Variants in CYSLTR1 observed in about 807,000 individuals in gnomAD.
CYSLTR1 encodes G-protein coupled receptor HG55.
In CYSLTR1, 1 loss-of-function variant was observed where a neutral mutation model predicts 2.1. The observed-to-expected ratio is 0.48, with a 90% confidence interval of 0.17 to 2.28. The LOEUF is 2.28. Among genes scored for constraint, CYSLTR1 ranks in the 30% most tolerant of loss-of-function variants. The pLI is 0.26. For missense variants in CYSLTR1, 299 were observed against 250.1 expected, an observed-to-expected ratio of 1.20 and a Z score of -1.32; for synonymous variants, 110 against 89.6, an observed-to-expected ratio of 1.23 and a Z score of -1.28.
chrX:78,274,308 C>G (rs955247119), intron 2 of CYSLTR1, among the ~76,000 whole-genome samples: 5 of 111,283 alleles, frequency 4.5e-5, no homozygotes, highest in African/African-American at 6.5e-5. Context: ...TACCTGACTT[C>G]AAACTATACT....
At chrX:78,289,065 C>A (rs764686443) in intron 1 of CYSLTR1, among the ~76,000 whole-genome samples, 109 of 110,475 alleles carry the variant, frequency 9.9e-4, no homozygotes, top group Non-Finnish European at 1.9e-3. Context: ...CTGCACCCAT[C>A]AACTCATCAT....
chrX:78,274,522 C>T (rs1309421115), intron 2 of CYSLTR1, among the ~76,000 whole-genome samples: 1 of 111,468 alleles, frequency 9.0e-6, no homozygotes, highest in Non-Finnish European at 1.9e-5. Context: ...AACTGGCTAG[C>T]CATATGTAGA....
intron 2 of CYSLTR1, among the ~76,000 whole-genome samples, chrX:78,281,445 A>AT (rs35245224): frequency 2.8e-5 from 3 of 109,090 alleles, no homozygotes; most frequent in Admixed American, 9.8e-5. Context: ...TAATTTTTGT[A>AT]TTTTTTTGGT....
intron 1 of CYSLTR1, among the ~76,000 whole-genome samples, chrX:78,288,676 C>A (rs1473791882): frequency 8.9e-6 from 1 of 111,829 alleles, no homozygotes; most frequent in African/African-American, 3.2e-5. Context: ...AATGGGGTAT[C>A]TTTCTCCTCA....
chrX:78,304,496 G>A (rs1421755850), intron 1 of CYSLTR1, among the ~76,000 whole-genome samples: 1 of 111,310 alleles, frequency 9.0e-6, no homozygotes, highest in Non-Finnish European at 1.9e-5. Context: ...GTGAGAGCTG[G>A]AATTTAACAA....
At chrX:78,315,397 G>A (rs1923378298) in intron 1 of CYSLTR1, among the ~76,000 whole-genome samples, 1 of 111,305 alleles carries the variant, frequency 9.0e-6, no homozygotes, top group African/African-American at 3.3e-5. Flanking sequence ...GGGGAATTTG[G>A]TCTTACACCT....
At chrX:78,279,010 C>A (rs192839799) in intron 2 of CYSLTR1, among the ~76,000 whole-genome samples, 2 of 111,842 alleles carry the variant, frequency 1.8e-5, no homozygotes, top group Admixed American at 9.5e-5. Flanking sequence ...AGAAAGCCTA[C>A]GAGAAAACTT....
chrX:78,323,985 C>T (rs1426684921), intron 1 of CYSLTR1, among the ~76,000 whole-genome samples: 1 of 111,684 alleles, frequency 9.0e-6, no homozygotes, highest in African/African-American at 3.3e-5. Context: ...CCTAACTTAT[C>T]CCCCAAATTT....
chrX:78,297,292 G>A (rs913914857), intron 1 of CYSLTR1, among the ~76,000 whole-genome samples: 2 of 111,622 alleles, frequency 1.8e-5, no homozygotes, highest in Admixed American at 1.9e-4. Context: ...TGGTTTGCTA[G>A]TATTTTATTG....
In CYSLTR1 at chrX:78,276,625, T is replaced by C. The variant is rs181833305; in HGVS notation, c.-27-2852A>G. 2.6e-3 allele frequency among the ~76,000 whole-genome samples: 293 copies of C among 110,904 alleles called. 2 individuals are homozygous for C. The highest frequency in any genetic ancestry group is 4.4e-3 in the Non-Finnish European group (235 of 52,999). On this transcript the variant is annotated intron_variant, in intron 2 of 2. Transcript: ENST00000373304. ...CCAGCTGGTTGTTCAATTTTTTCCC[T>C]TTCATTAAAAAAGTCATTATTATTA... is the stretch of plus-strand genomic sequence containing the variant.
intron 1 of CYSLTR1, chrX:78,319,341 AC>A (rs1410799696): frequency 2.2e-5 from 2 of 91,935 alleles, no homozygotes; most frequent in African/African-American, 8.4e-5. Flanking sequence ...TTCAATTCCT[AC>A]CTATGAGTGA....
chrX:78,325,337 G>A (rs759690909), intron 1 of CYSLTR1, among the ~76,000 whole-genome samples: 80 of 111,717 alleles, frequency 7.2e-4, no homozygotes, highest in Non-Finnish European at 1.2e-3. Flanking sequence ...TAGCCCTACT[G>A]TCTCCCCATG....
chrX:78,320,181 G>A (rs1169395508), intron 1 of CYSLTR1: 1 of 112,002 alleles, frequency 8.9e-6, no homozygotes, highest in African/African-American at 3.3e-5. Context: ...TGAAGTACTT[G>A]CCCATGCCTA....
chrX:78,279,271 C>A (rs1921732654), intron 2 of CYSLTR1, among the ~76,000 whole-genome samples: 1 of 110,679 alleles, frequency 9.0e-6, no homozygotes, highest in Non-Finnish European at 1.9e-5. Context: ...AAAAAAAAAC[C>A]TGTTAAAAAA....
intron 1 of CYSLTR1, among the ~76,000 whole-genome samples, chrX:78,292,018 A>T (rs1234899671): frequency 1.8e-5 from 2 of 110,531 alleles, no homozygotes; most frequent in Admixed American, 1.9e-4. Flanking sequence ...CTAGCTTTGA[A>T]TTTGTTTGCT....
intron 1 of CYSLTR1, among the ~76,000 whole-genome samples, chrX:78,304,717 C>T (rs188510130): frequency 9.0e-6 from 1 of 111,337 alleles, no homozygotes; most frequent in African/African-American, 3.3e-5. Flanking sequence ...AGGGTAATCA[C>T]CTCAGCACCT....
intron 1 of CYSLTR1, among the ~76,000 whole-genome samples, chrX:78,318,354 A>G (rs1179235820): frequency 8.9e-6 from 1 of 111,858 alleles, no homozygotes; most frequent in Non-Finnish European, 1.9e-5. Flanking sequence ...ATGGACACAT[A>G]TAAGGGAACA....
chrX:78,281,269 ATT>A lies in CYSLTR1; in HGVS notation c.-28+2183_-28+2184del, dbSNP rs199904181. On this transcript the variant is annotated intron_variant, in intron 2 of 2. Transcript: ENST00000373304. ...ATCTGCTATGTTTTATTATGTTTTA[ATT>A]TTTTTTTTTTTTTGAGACAGGGTCT... 2.6e-4 allele frequency among the ~76,000 whole-genome samples: 25 copies of A among 97,732 alleles called. No individual in the cohort carries two copies. The South Asian group carries it at 5.4e-3, about 21-fold the overall frequency. The allele number at this position is 97,732 out of a possible 115,157, so 84.9% of individuals were successfully genotyped here. A position where few individuals can be genotyped will look rare whatever the true frequency, so the allele number is the denominator to read the frequency against.
intron 1 of CYSLTR1, among the ~76,000 whole-genome samples, chrX:78,287,481 G>A (rs186900427): frequency 1.8e-5 from 2 of 111,308 alleles, no homozygotes; most frequent in African/African-American, 3.3e-5. Flanking sequence ...ATTGCATTGT[G>A]GTGATGACTG....
Sources: allele counts gnomAD v4.1 joint callset (sites outside exome capture counted in the v4.1 genomes callset), GRCh38; gene constraint gnomAD v4.1.1; transcripts MANE v1.5; gene names NCBI Gene and HGNC (gene_info 2026-07-23, HGNC 2026-07-21).